CAB39L: variants seen among roughly 807,000 people sequenced by gnomAD.
CAB39L encodes the protein calcium-binding protein 39-like.
CAB39L carries 23 observed loss-of-function variants against 39.1 expected under a neutral mutation model. That is an observed-to-expected ratio of 0.59 (90% CI 0.42 to 0.83). The LOEUF (loss-of-function observed/expected upper bound fraction) is 0.83, where lower values mean the gene tolerates loss of function less well. Among genes scored for constraint, CAB39L ranks in the 40% least tolerant of loss-of-function variants. The probability of loss-of-function intolerance (pLI) is 0.00; values close to 1 mark genes in which losing one functional copy is unlikely to be tolerated. For missense variants in CAB39L, 366 were observed against 391.9 expected (o/e 0.93, Z 0.56); for synonymous variants, 126 against 137.2 (o/e 0.92, Z 0.57).
At chr13:49,436,063 T>C (rs1322787) in intron 1 of CAB39L, among the ~76,000 whole-genome samples, 91,009 of 152,068 alleles carry the variant, frequency 0.6, 27,401 homozygotes, top group Middle Eastern at 0.62. Context: ...GAATGAGTCA[T>C]AGTTATAAAA....
At chr13:49,442,799 A>AAAAAAAAAAAC (rs1957556961) in intron 1 of CAB39L, among the ~76,000 whole-genome samples, 1 of 132,926 alleles carries the variant, frequency 7.5e-6, no homozygotes, top group African/African-American at 3.1e-5. Flanking sequence ...AAAAAAAAAA[A>AAAAAAAAAAAC]AAAAAAAAAA....
At chr13:49,394,658 C>G (rs1277285945) in intron 3 of CAB39L, among the ~76,000 whole-genome samples, 2 of 152,038 alleles carry the variant, frequency 1.3e-5, no homozygotes, top group Non-Finnish European at 2.9e-5. Flanking sequence ...TTGTGATATA[C>G]CCAGTTGATG....
At chr13:49,383,486 T>C (rs1956290937) in intron 3 of CAB39L, among the ~76,000 whole-genome samples, 1 of 152,220 alleles carries the variant, frequency 6.6e-6, no homozygotes, top group African/African-American at 2.4e-5. Flanking sequence ...ATTCTCTGAA[T>C]GCATAATAAT....
At chr13:49,440,226 C>A (rs1027202026) in intron 1 of CAB39L, among the ~76,000 whole-genome samples, 3 of 151,984 alleles carry the variant, frequency 2.0e-5, no homozygotes, top group African/African-American at 4.8e-5. Flanking sequence ...ACATTTAAAT[C>A]TTTAATCCAT....
At chr13:49,410,145 G>A (rs1315146620) in intron 3 of CAB39L, among the ~76,000 whole-genome samples, 1 of 152,058 alleles carries the variant, frequency 6.6e-6, no homozygotes, top group South Asian at 2.1e-4. Context: ...CCCAAGATTC[G>A]ATATACAGCT....
At chr13:49,413,526 C>T (rs778921160) in intron 3 of CAB39L, among the ~76,000 whole-genome samples, 9 of 151,630 alleles carry the variant, frequency 5.9e-5, no homozygotes, top group Admixed American at 2.6e-4. Context: ...AGAAAAGGGA[C>T]GGAAAGAGAG....
intron 4 of CAB39L, among the ~76,000 whole-genome samples, chr13:49,381,023 G>A (rs917455854): frequency 6.6e-6 from 1 of 152,188 alleles, no homozygotes; most frequent in Non-Finnish European, 1.5e-5. Context: ...TGCCTCCTGC[G>A]TTCAAGCGAT....
chr13:49,339,933 T>C (rs1397511566), intron 8 of CAB39L, among the ~76,000 whole-genome samples, 191 bp from the exon 9 acceptor site: 1 of 152,238 alleles, frequency 6.6e-6, no homozygotes, highest in Non-Finnish European at 1.5e-5. Flanking sequence ...TTTATTTTAG[T>C]TCTGCAAATT....
At chr13:49,335,960 C>T (rs778957886) in intron 9 of CAB39L, among the ~76,000 whole-genome samples, 17 of 152,134 alleles carry the variant, frequency 1.1e-4, no homozygotes, top group Non-Finnish European at 2.2e-4. Flanking sequence ...AATAATCTAA[C>T]CTCTCTTGTT....
At chr13:49,341,907 TA>T (rs1955019760) in intron 8 of CAB39L, among the ~76,000 whole-genome samples, 1 of 152,198 alleles carries the variant, frequency 6.6e-6, no homozygotes, top group South Asian at 2.1e-4. Flanking sequence ...ATTTTACACT[TA>T]AAACAAATAC....
rs191349468 is a variant in CAB39L at position 49,336,941 on chromosome 13, T to C, written c.690+2736A>G. On this transcript the variant is annotated intron_variant, in intron 9 of 10. Transcript: ENST00000409308. ...TCCACACACAGTTTGGTCTCATCAC[T>C]ACTGGGCTTTTTTTCTAGATGGGTC... Among the ~76,000 whole-genome samples the C allele has an allele frequency of 4.6e-5, 7 of 152,328 alleles. No homozygotes were observed. The East Asian group carries it at 9.6e-4, about 21-fold the overall frequency.
At chr13:49,311,945 G>A (rs541463417) in intron 10 of CAB39L, among the ~76,000 whole-genome samples, 13 of 152,242 alleles carry the variant, frequency 8.5e-5, no homozygotes, top group African/African-American at 2.9e-4. Flanking sequence ...CCAGGCTGAC[G>A]TGCAGTGGCA....
intron 10 of CAB39L, among the ~76,000 whole-genome samples, chr13:49,316,734 T>C (rs1020529550): frequency 2.0e-5 from 3 of 152,198 alleles, no homozygotes; most frequent in Non-Finnish European, 4.4e-5. Flanking sequence ...CAAAAAGATA[T>C]GTTCAAGTCC....
chr13:49,356,299 G>A (rs1955481506), intron 6 of CAB39L, among the ~76,000 whole-genome samples: 1 of 152,040 alleles, frequency 6.6e-6, no homozygotes, highest in Admixed American at 6.6e-5. Context: ...CAGGATAATT[G>A]GGAGAAATTT....
At chr13:49,384,084 C>A (rs948349585) in intron 3 of CAB39L, among the ~76,000 whole-genome samples, 1 of 152,224 alleles carries the variant, frequency 6.6e-6, no homozygotes, top group Non-Finnish European at 1.5e-5. Flanking sequence ...AGTTTGTTAG[C>A]ATTTTACTCA....
chr13:49,435,806 C>T (rs1957402151), intron 1 of CAB39L, among the ~76,000 whole-genome samples: 11 of 152,146 alleles, frequency 7.2e-5, no homozygotes, highest in Admixed American at 6.5e-4. Flanking sequence ...CAGTCTGGAA[C>T]ATCTTTTATA....
At chr13:49,315,293 C>T (rs1006425016) in intron 10 of CAB39L, among the ~76,000 whole-genome samples, 4 of 152,084 alleles carry the variant, frequency 2.6e-5, no homozygotes, top group East Asian at 1.9e-4. Context: ...GGCTTACTTA[C>T]AGTGAGCCCA....
At chr13:49,353,559 G>T (rs1955412883) in intron 6 of CAB39L, among the ~76,000 whole-genome samples, 1 of 151,952 alleles carries the variant, frequency 6.6e-6, no homozygotes, top group Non-Finnish European at 1.5e-5. Context: ...CCACAACTCA[G>T]ATGCTTCTCA....
intron 3 of CAB39L, among the ~76,000 whole-genome samples, chr13:49,427,807 G>A (rs1200375041): frequency 6.6e-6 from 1 of 152,198 alleles, no homozygotes; most frequent in Non-Finnish European, 1.5e-5. Context: ...AGGTTGGGAA[G>A]CCCAAGATGA....
Sources: gnomAD v4.1 joint callset for allele counts (sites outside exome capture counted in the v4.1 genomes callset) on GRCh38, gnomAD v4.1.1 for gene constraint, MANE v1.5 for transcripts, NCBI Gene and HGNC (gene_info 2026-07-23, HGNC 2026-07-21) for gene names.